EEIG1: variants seen among roughly 807,000 people sequenced by gnomAD.
EEIG1 encodes the protein estrogen-induced osteoclastogenesis regulator 1.
At chr9:127,949,222 G>A in the EEIG1 span, among the ~76,000 whole-genome samples, 1,778 of 147,718 alleles carry the variant, frequency 0.012, 34 homozygotes, top group African/African-American at 0.041. Context: ...GCTGAGGCAA[G>A]AGAATGGCAT....
chr9:127,946,438 C>T, the EEIG1 span, among the ~76,000 whole-genome samples: 6 of 151,042 alleles, frequency 4.0e-5, no homozygotes, highest in Non-Finnish European at 8.9e-5. Context: ...GCCCAACACA[C>T]CCCAGGCTGG....
the EEIG1 span, among the ~76,000 whole-genome samples, chr9:127,951,169 A>T: frequency 6.6e-6 from 1 of 152,136 alleles, no homozygotes; most frequent in Non-Finnish European, 1.5e-5. Context: ...GATGGAGGCC[A>T]AGTCTGCTAG....
At chr9:127,974,089 G>C in the EEIG1 span, among the ~76,000 whole-genome samples, 1 of 152,086 alleles carries the variant, frequency 6.6e-6, no homozygotes, top group Non-Finnish European at 1.5e-5. Flanking sequence ...TCCATCTCCC[G>C]GCACTTACTA....
At chr9:127,965,000 T>C in the EEIG1 span, among the ~76,000 whole-genome samples, 1 of 151,106 alleles carries the variant, frequency 6.6e-6, no homozygotes, top group African/African-American at 2.4e-5. Flanking sequence ...TCCCAGCTAC[T>C]TGTGAGGCTG....
chr9:127,969,280 T>C, the EEIG1 span, among the ~76,000 whole-genome samples: 1 of 152,166 alleles, frequency 6.6e-6, no homozygotes, highest in Admixed American at 6.5e-5. Flanking sequence ...GCAGGGACGG[T>C]TGTCTTGGCC....
At chr9:127,944,872 T>C in the EEIG1 span, 6 of 1,612,420 alleles carry the variant, frequency 3.7e-6, no homozygotes, top group East Asian at 1.3e-4. Flanking sequence ...CCAGGTCGGG[T>C]GGCTCTCCAC....
the EEIG1 span, chr9:127,948,292 C>G: frequency 6.2e-7 from 1 of 1,611,624 alleles, no homozygotes; most frequent in South Asian, 1.1e-5. Context: ...AGAGGACACC[C>G]AGAGTCCCTG....
At chr9:127,944,841 A>G in the EEIG1 span, 4 of 1,612,648 alleles carry the variant, frequency 2.5e-6, no homozygotes, top group Non-Finnish European at 2.5e-6. Flanking sequence ...TGGCATCCGC[A>G]TCGATCCGCG....
the EEIG1 span, among the ~76,000 whole-genome samples, chr9:127,957,254 A>T: frequency 6.7e-6 from 1 of 150,060 alleles, no homozygotes; most frequent in South Asian, 2.1e-4. Flanking sequence ...CAAAAATAAA[A>T]AATAAAAATG....
chr9:127,953,423 C>T, the EEIG1 span: 3 of 687,264 alleles, frequency 4.4e-6, no homozygotes, highest in Non-Finnish European at 7.7e-6. Context: ...AGTGCAAAGA[C>T]CATCAATAAA....
chr9:127,964,522 C>T, the EEIG1 span, among the ~76,000 whole-genome samples: 2 of 152,226 alleles, frequency 1.3e-5, no homozygotes, highest in African/African-American at 2.4e-5. Context: ...CCATCAGGGG[C>T]TCTCCTCAGA....
At chr9:127,969,885 C>T in the EEIG1 span, among the ~76,000 whole-genome samples, 1 of 152,144 alleles carries the variant, frequency 6.6e-6, no homozygotes, top group Admixed American at 6.5e-5. Context: ...AGGACTCAGG[C>T]ATCCACCCAG....
At chr9:127,949,131 C>T in the EEIG1 span, among the ~76,000 whole-genome samples, 32 of 151,978 alleles carry the variant, frequency 2.1e-4, 1 homozygote, top group South Asian at 4.0e-3. Context: ...CTGGCTAACA[C>T]GGTGAAACCC....
chr9:127,963,118 G>T, the EEIG1 span, among the ~76,000 whole-genome samples: 4 of 152,230 alleles, frequency 2.6e-5, no homozygotes. Flanking sequence ...GACCAAAGGT[G>T]GGGTGGAAGG....
At chr9:127,962,973 A>G in the EEIG1 span, among the ~76,000 whole-genome samples, 1 of 152,202 alleles carries the variant, frequency 6.6e-6, no homozygotes, top group African/African-American at 2.4e-5. Flanking sequence ...TTTTAAAATG[A>G]TAGAAGCAAG....
the EEIG1 span, among the ~76,000 whole-genome samples, chr9:127,961,981 C>A: frequency 6.6e-6 from 1 of 152,116 alleles, no homozygotes; most frequent in Non-Finnish European, 1.5e-5. Context: ...CCCACGGTGT[C>A]CACGTGTATG....
chr9:127,980,944 G>A, the EEIG1 span, among the ~76,000 whole-genome samples: 1 of 149,264 alleles, frequency 6.7e-6, no homozygotes, highest in Non-Finnish European at 1.5e-5. Context: ...CTGCGGCCCC[G>A]ACGCTGCAGC....
chr9:127,950,922 G>A, the EEIG1 span, among the ~76,000 whole-genome samples: 1 of 152,238 alleles, frequency 6.6e-6, no homozygotes, highest in Non-Finnish European at 1.5e-5. Context: ...GGGAAGGCCT[G>A]TGGGAAGTGG....
At chr9:127,940,993 T>G in the EEIG1 span, 9 of 152,240 alleles carry the variant, frequency 5.9e-5, no homozygotes, top group African/African-American at 2.2e-4. Context: ...ATCTCTGATA[T>G]ACTCTCCAAC....
Sources: allele counts gnomAD v4.1 joint callset (sites outside exome capture counted in the v4.1 genomes callset), GRCh38; gene constraint gnomAD v4.1.1; transcripts MANE v1.5; gene names NCBI Gene and HGNC (gene_info 2026-07-23, HGNC 2026-07-21).